CTNNA3: variants seen among roughly 807,000 people sequenced by gnomAD.
The protein encoded by CTNNA3 is catenin alpha-3.
CTNNA3 carries 76 observed loss-of-function variants against 95.7 expected under a neutral mutation model. The ratio of observed to expected loss-of-function variants is 0.79; its 90% CI spans 0.66 to 0.96. CTNNA3 has a LOEUF of 0.96. Ranked by LOEUF, CTNNA3 falls within the 40% of genes least tolerant of loss-of-function variation. The pLI, the probability that CTNNA3 is intolerant of heterozygous loss-of-function variation, is 0.00. For synonymous variants in CTNNA3, 431 were observed against 374.4 expected (o/e 1.15, Z -1.74); for missense variants, 1,191 against 1,089.8 (o/e 1.09, Z -1.31).
chr10:67,611,408 G>A (rs1051060329), intron 2 of CTNNA3, among the ~76,000 whole-genome samples: 1 of 152,010 alleles, frequency 6.6e-6, no homozygotes, highest in African/African-American at 2.4e-5. Context: ...CCGCCTCCCA[G>A]GTTCACACCA....
chr10:66,377,226 A>C (rs2092802266), intron 12 of CTNNA3, among the ~76,000 whole-genome samples: 2 of 152,218 alleles, frequency 1.3e-5, no homozygotes, highest in East Asian at 3.9e-4. Context: ...TTACGCTAAT[A>C]ATAAGATGCT....
chr10:66,310,872 A>T (rs980367047), intron 12 of CTNNA3, among the ~76,000 whole-genome samples: 1 of 151,888 alleles, frequency 6.6e-6, no homozygotes, highest in African/African-American at 2.4e-5. Context: ...TTTAGTAGAG[A>T]CGGGGTTTCA....
intron 14 of CTNNA3, among the ~76,000 whole-genome samples, chr10:66,095,153 T>G (rs2081345667): frequency 6.6e-6 from 1 of 152,116 alleles, no homozygotes; most frequent in South Asian, 2.1e-4. Context: ...TGCCTACATA[T>G]GATATTTGAA....
chr10:66,612,030 C>T (rs1844346341), intron 10 of CTNNA3, among the ~76,000 whole-genome samples: 1 of 151,986 alleles, frequency 6.6e-6, no homozygotes. Context: ...CATTTCTGTC[C>T]TAAAGTGTCC....
At chr10:66,122,705 C>T (rs2082634788) in intron 13 of CTNNA3, among the ~76,000 whole-genome samples, 1 of 152,194 alleles carries the variant, frequency 6.6e-6, no homozygotes, top group Non-Finnish European at 1.5e-5. Flanking sequence ...GTTTAATGGA[C>T]TTACAGTTCC....
chr10:66,404,686 A>G (rs2456750), intron 11 of CTNNA3, among the ~76,000 whole-genome samples: 47,627 of 152,064 alleles, frequency 0.31, 7,905 homozygotes, highest in Middle Eastern at 0.48. Context: ...AGACTTCTCC[A>G]ACCTGCAGCC....
At chr10:67,003,200 G>C (rs560421600) in intron 7 of CTNNA3, among the ~76,000 whole-genome samples, 17 of 152,186 alleles carry the variant, frequency 1.1e-4, no homozygotes, top group Admixed American at 9.2e-4. Flanking sequence ...CAATTATTCA[G>C]GCACAGTGCC....
At chr10:67,757,163 A>G (rs1841437747) in intron 1 of CTNNA3, among the ~76,000 whole-genome samples, 1 of 152,222 alleles carries the variant, frequency 6.6e-6, no homozygotes. Flanking sequence ...TTCTAGGGGG[A>G]AAAACTGAAT....
At chr10:67,613,474 C>T (rs557303594) in intron 2 of CTNNA3, among the ~76,000 whole-genome samples, 4 of 152,030 alleles carry the variant, frequency 2.6e-5, no homozygotes, top group Non-Finnish European at 5.9e-5. Context: ...TGGGTTGCTA[C>T]AGCAAAATTA....
In CTNNA3 at chr10:66,429,251, C is replaced by T. The variant is rs7392960; in HGVS notation, c.1532-49899G>A. 3.0e-3 allele frequency among the ~76,000 whole-genome samples: 455 copies of T among 151,894 alleles called. 2 individuals are homozygous for T. The highest frequency in any genetic ancestry group is 0.01 in the African/African-American group (426 of 41,398). On this transcript the variant is annotated intron_variant, in intron 11 of 17. Coordinates refer to ENST00000433211, the MANE Select transcript of CTNNA3 (RefSeq NM_013266.4). The stretch of plus-strand genomic sequence containing the variant: ...CACCAATAACAGACTCTGAAATTGA[C>T]GCAATAATTAATAGCTTACCAACAA...
chr10:66,222,608 GAAAGAAAGAAAGAA>G (rs1288709505), intron 13 of CTNNA3, among the ~76,000 whole-genome samples: 27 of 63,282 alleles, frequency 4.3e-4, no homozygotes, highest in African/African-American at 9.3e-4. Flanking sequence ...ACGAAAGAAA[GAAAGAAAGAAAGAA>G]AAAGAAAGAA....
Position 66,514,756 on chromosome 10 carries a change from C to T in CTNNA3, c.1531+5861G>A, listed in dbSNP as rs186679758. On this transcript the variant is annotated intron_variant, in intron 11 of 17. Coordinates refer to ENST00000433211, the MANE Select transcript of CTNNA3 (RefSeq NM_013266.4). ...AAAGAAAGGTTGTATTTTTACAAAC[C>T]CTTATATTTAATCAGTTCTTAGTAA... Among the ~76,000 whole-genome samples the T allele has an allele frequency of 1.8e-4, 28 of 151,994 alleles. No individual in the cohort carries two copies. In the East Asian group the frequency reaches 5.4e-3, roughly 29 times the overall value.
chr10:67,449,949 G>GA (rs1285945516), intron 5 of CTNNA3, among the ~76,000 whole-genome samples: 4 of 151,830 alleles, frequency 2.6e-5, no homozygotes, highest in Non-Finnish European at 5.9e-5. Context: ...AAATTTACAA[G>GA]AAAAAACAAA....
At chr10:66,103,057 C>T in intron 14 of CTNNA3, 100 bp downstream of exon 14, 1 of 888,614 alleles carries the variant, frequency 1.1e-6, no homozygotes, top group Non-Finnish European at 1.9e-6. Flanking sequence ...AGCTCCAGAT[C>T]CAGGAGTCCC....
intron 9 of CTNNA3, among the ~76,000 whole-genome samples, chr10:66,642,303 C>T (rs1337019249): frequency 1.3e-5 from 2 of 149,122 alleles, no homozygotes; most frequent in Admixed American, 1.3e-4. Flanking sequence ...CACACACACA[C>T]ACAAAACCTG....
intron 16 of CTNNA3, among the ~76,000 whole-genome samples, chr10:65,985,858 G>T (rs942697730): frequency 6.6e-6 from 1 of 151,274 alleles, no homozygotes; most frequent in Non-Finnish European, 1.5e-5. Flanking sequence ...AGATAACATG[G>T]TCTTATATTA....
chr10:66,485,897 A>G (rs1396212105), intron 11 of CTNNA3, among the ~76,000 whole-genome samples: 1 of 152,160 alleles, frequency 6.6e-6, no homozygotes, highest in African/African-American at 2.4e-5. Context: ...CACATGGAAC[A>G]GAAGAGACAG....
At chr10:66,857,878 TATTTGG>T (rs1843741665) in intron 7 of CTNNA3, among the ~76,000 whole-genome samples, 1 of 152,094 alleles carries the variant, frequency 6.6e-6, no homozygotes. Flanking sequence ...CCTCTCTTTC[TATTTGG>T]ATGTCTTTAA....
intron 13 of CTNNA3, among the ~76,000 whole-genome samples, chr10:66,220,091 C>T (rs1009304020): frequency 2.0e-5 from 3 of 152,046 alleles, no homozygotes; most frequent in Admixed American, 6.5e-5. Context: ...CCACTGCACT[C>T]CAGCCTGGGC....
Sources: gnomAD v4.1 joint callset for allele counts (sites outside exome capture counted in the v4.1 genomes callset) on GRCh38, gnomAD v4.1.1 for gene constraint, MANE v1.5 for transcripts, NCBI Gene and HGNC (gene_info 2026-07-23, HGNC 2026-07-21) for gene names.